The following SDCCAG8 variants were observed in gnomAD, a reference collection of about 807,000 sequenced individuals.
SDCCAG8 encodes serologically defined colon cancer antigen 8.
A neutral mutation model predicts 101.8 loss-of-function variants in SDCCAG8; 74 were observed. That is an observed-to-expected ratio of 0.73 (90% confidence interval 0.60 to 0.88). The LOEUF (loss-of-function observed/expected upper bound fraction) is 0.88, where lower values mean the gene tolerates loss of function less well. Among genes scored for constraint, SDCCAG8 ranks in the 40% least tolerant of loss-of-function variants. The probability of loss-of-function intolerance (pLI) is 0.00; values close to 1 mark genes in which losing one functional copy is unlikely to be tolerated. For synonymous variants in SDCCAG8, 281 were observed against 292.9 expected (o/e 0.96, Z 0.41); for missense variants, 787 against 822.6 (o/e 0.96, Z 0.53).
At chr1:243,395,591 C>T (rs903133596) in intron 13 of SDCCAG8, among the ~76,000 whole-genome samples, 1 of 152,096 alleles carries the variant, frequency 6.6e-6, no homozygotes, top group African/African-American at 2.4e-5. Flanking sequence ...TTATATGACA[C>T]TGGGTATTTT....
chr1:243,371,111 C>T (rs1328405442), intron 12 of SDCCAG8, among the ~76,000 whole-genome samples: 1 of 152,104 alleles, frequency 6.6e-6, no homozygotes, highest in Non-Finnish European at 1.5e-5. Flanking sequence ...CATTGAGATC[C>T]TTGTGTTTGG....
At chr1:243,440,715 G>C (rs1056758767) in intron 16 of SDCCAG8, among the ~76,000 whole-genome samples, 2 of 152,130 alleles carry the variant, frequency 1.3e-5, no homozygotes, top group African/African-American at 4.8e-5. Context: ...CATTTCTTTG[G>C]TAATTTTGAA....
chr1:243,476,066 C>T (rs1419818210), intron 16 of SDCCAG8: 7 of 985,280 alleles, frequency 7.1e-6, no homozygotes, highest in Middle Eastern at 5.2e-4. Context: ...CATATTATCC[C>T]AACACTCATC....
intron 9 of SDCCAG8, among the ~76,000 whole-genome samples, chr1:243,318,992 C>T (rs528179657): frequency 3.3e-5 from 5 of 152,184 alleles, no homozygotes; most frequent in East Asian, 1.9e-4. Context: ...AGGCTGCATA[C>T]GAAGCATGGT....
chr1:243,317,946 TA>T, intron 9 of SDCCAG8: 1 of 410,684 alleles, frequency 2.4e-6, no homozygotes, highest in Non-Finnish European at 4.8e-6. Flanking sequence ...AGTGTTTTAT[TA>T]AAATATTAGG....
chr1:243,390,935 TC>T (rs1368783087), intron 13 of SDCCAG8, among the ~76,000 whole-genome samples: 1 of 152,232 alleles, frequency 6.6e-6, no homozygotes, highest in African/African-American at 2.4e-5. Context: ...TTTAATTTCT[TC>T]CGGTAAATTT....
intron 1 of SDCCAG8, among the ~76,000 whole-genome samples, chr1:243,268,298 A>T (rs1226501463): frequency 6.6e-6 from 1 of 152,232 alleles, no homozygotes; most frequent in Non-Finnish European, 1.5e-5. Context: ...ATTGCTTATC[A>T]TGTAACACTT....
chr1:243,460,463 A>G (rs1658856161), intron 16 of SDCCAG8, among the ~76,000 whole-genome samples: 2 of 152,324 alleles, frequency 1.3e-5, no homozygotes, highest in South Asian at 2.1e-4. Flanking sequence ...GTGACTGATC[A>G]CCACGCCAGT....
intron 4 of SDCCAG8, among the ~76,000 whole-genome samples, chr1:243,278,680 T>C (rs183252693): frequency 6.6e-5 from 10 of 152,354 alleles, no homozygotes; most frequent in African/African-American, 2.4e-4. Flanking sequence ...GTTGATTCTT[T>C]GGGATTTTCC....
chr1:243,367,782 T>C (rs2077065456), intron 12 of SDCCAG8, among the ~76,000 whole-genome samples: 1 of 149,614 alleles, frequency 6.7e-6, no homozygotes, highest in South Asian at 2.1e-4. Context: ...TTAAAATAGA[T>C]GTATATATCT....
At chr1:243,396,900 A>T (rs530850850) in intron 13 of SDCCAG8, among the ~76,000 whole-genome samples, 4 of 152,264 alleles carry the variant, frequency 2.6e-5, no homozygotes, top group African/African-American at 9.6e-5. Flanking sequence ...ATTTAAATCC[A>T]TGCCGACAGT....
chr1:243,475,866 C>T (rs1662310125), intron 16 of SDCCAG8: 1 of 928,528 alleles, frequency 1.1e-6, no homozygotes, highest in Admixed American at 6.2e-5. Context: ...TGCCACTCCT[C>T]AAAAAGCAAA....
intron 16 of SDCCAG8, among the ~76,000 whole-genome samples, chr1:243,459,200 T>G (rs1326819458): frequency 1.3e-5 from 2 of 152,234 alleles, no homozygotes; most frequent in Non-Finnish European, 2.9e-5. Flanking sequence ...CAATAGTCTT[T>G]CAAGGTTTCT....
At chr1:243,317,125 T>C (rs887509741) in intron 9 of SDCCAG8, among the ~76,000 whole-genome samples, 1 of 152,220 alleles carries the variant, frequency 6.6e-6, no homozygotes, top group Non-Finnish European at 1.5e-5. Context: ...TAGTACAGTA[T>C]AATACTTTGA....
intron 4 of SDCCAG8, among the ~76,000 whole-genome samples, chr1:243,281,873 TG>T (rs1473807035): frequency 6.6e-6 from 1 of 152,156 alleles, no homozygotes; most frequent in Non-Finnish European, 1.5e-5. Context: ...GGCGAACTCC[TG>T]GCCCCAAGTG....
In SDCCAG8 at chr1:243,449,891, CTG is replaced by C. The variant is rs1274383042; in HGVS notation, c.1985+23335_1985+23336del. ...AGGTCCACACTCCCATCTTGGGATT[CTG>C]TCTTTTCCACTTCAATAAATGGCTC... On this transcript the variant is annotated intron_variant, in intron 16 of 17. Transcript: ENST00000366541. 4.6e-5 allele frequency among the ~76,000 whole-genome samples: 7 copies of C among 152,304 alleles called. No homozygotes were observed. In the East Asian group the frequency reaches 1.4e-3, roughly 29 times the overall value.
chr1:243,333,356 G>T (rs574193374), intron 10 of SDCCAG8, among the ~76,000 whole-genome samples: 7 of 152,138 alleles, frequency 4.6e-5, no homozygotes, highest in Admixed American at 4.6e-4. Context: ...TTTTTGGCAC[G>T]CAAGAAGTTC....
chr1:243,475,647 C>T (rs371335686), intron 16 of SDCCAG8, among the ~76,000 whole-genome samples: 7 of 152,170 alleles, frequency 4.6e-5, no homozygotes, highest in East Asian at 3.9e-4. Context: ...CTTATGCACA[C>T]AGAGGGTTTC....
At chr1:243,388,457 G>T (rs1009601297) in intron 13 of SDCCAG8, among the ~76,000 whole-genome samples, 4 of 152,172 alleles carry the variant, frequency 2.6e-5, no homozygotes, top group Non-Finnish European at 5.9e-5. Context: ...AATAAGGGAA[G>T]AAAGTTTCAC....
Sources: allele counts gnomAD v4.1 joint callset (sites outside exome capture counted in the v4.1 genomes callset), GRCh38; gene constraint gnomAD v4.1.1; transcripts MANE v1.5; gene names NCBI Gene and HGNC (gene_info 2026-07-23, HGNC 2026-07-21).